SEC11A: variants seen among roughly 807,000 people sequenced by gnomAD.
The protein encoded by SEC11A is SEC11 homolog A, signal peptidase complex subunit.
A neutral mutation model predicts 25.6 loss-of-function variants in SEC11A; 14 were observed. The observed-to-expected ratio is 0.55, with a 90% CI of 0.36 to 0.85. The LOEUF (loss-of-function observed/expected upper bound fraction) is 0.85, where lower values mean the gene tolerates loss of function less well. Among genes scored for constraint, SEC11A ranks in the 40% least tolerant of loss-of-function variants. The probability of loss-of-function intolerance (pLI) is 0.01; values close to 1 mark genes in which losing one functional copy is unlikely to be tolerated. For missense variants in SEC11A, 153 were observed against 222.9 expected (o/e 0.69, Z 2.00); for synonymous variants, 83 against 76.4 (o/e 1.09, Z -0.45).
At chr15:84,713,965 T>C (rs1230805287) in intron 1 of SEC11A, among the ~76,000 whole-genome samples, 1 of 152,112 alleles carries the variant, frequency 6.6e-6, no homozygotes, top group Non-Finnish European at 1.5e-5. Context: ...TATCCAAGTG[T>C]TCAGGCTTTA....
At chr15:84,700,957 C>A (rs376984623) in intron 1 of SEC11A, among the ~76,000 whole-genome samples, 1 of 131,856 alleles carries the variant, frequency 7.6e-6, no homozygotes, top group Non-Finnish European at 1.5e-5. Context: ...GTACTCCTAC[C>A]TGGGCAACAA....
chr15:84,698,213 G>C (rs1897823441), intron 1 of SEC11A, among the ~76,000 whole-genome samples: 1 of 152,134 alleles, frequency 6.6e-6, no homozygotes, highest in South Asian at 2.1e-4. Context: ...TACATCCTGT[G>C]TATTTACTGA....
intron 1 of SEC11A, among the ~76,000 whole-genome samples, chr15:84,702,338 G>A (rs912841797): frequency 6.6e-6 from 1 of 151,248 alleles, no homozygotes; most frequent in Non-Finnish European, 1.5e-5. Context: ...GCGGGCACCC[G>A]TAATCCCAGC....
In SEC11A at chr15:84,714,345, C is replaced by T. The variant is rs180709348; in HGVS notation, c.51+1680G>A. ...CTGTCTTAAGCAAATCACTAAAGCT[C>T]TCTAACAATGACATCGACCACAGTA... On this transcript the variant is annotated intron_variant, in intron 1 of 5. Transcript: ENST00000268220. 6.2e-4 allele frequency among the ~76,000 whole-genome samples: 94 copies of T among 152,288 alleles called. 1 individual carries two copies. The highest frequency in any genetic ancestry group is 6.8e-3 in the Middle Eastern group (2 of 294).
intron 4 of SEC11A, among the ~76,000 whole-genome samples, chr15:84,677,522 G>A (rs968716292): frequency 3.3e-5 from 5 of 149,662 alleles, no homozygotes; most frequent in Non-Finnish European, 5.9e-5. Flanking sequence ...ACTCAGGCTG[G>A]AGTGCAGTGG....
At chr15:84,707,135 AC>A (rs1289014996) in intron 1 of SEC11A, among the ~76,000 whole-genome samples, 2 of 149,240 alleles carry the variant, frequency 1.3e-5, no homozygotes, top group African/African-American at 5.0e-5. Context: ...TCTCTAACCC[AC>A]TTTTAGACTC....
chr15:84,691,188 C>A (rs1897595910), intron 2 of SEC11A, among the ~76,000 whole-genome samples: 1 of 151,574 alleles, frequency 6.6e-6, no homozygotes. Context: ...GATCCTCCCA[C>A]CTCAGCCTCC....
chr15:84,711,299 T>C (rs1006810059), intron 1 of SEC11A, among the ~76,000 whole-genome samples: 12 of 151,822 alleles, frequency 7.9e-5, no homozygotes, highest in African/African-American at 2.4e-5. Context: ...GGAGAATCAC[T>C]TGATCCCGGA....
At chr15:84,708,771 G>C (rs1898175314) in intron 1 of SEC11A, among the ~76,000 whole-genome samples, 1 of 151,526 alleles carries the variant, frequency 6.6e-6, no homozygotes, top group South Asian at 2.1e-4. Flanking sequence ...CTAGGTGACA[G>C]AGCGAGACCT....
rs556300976 is a variant in SEC11A, at chr15:84,673,026, G to A, written c.432-2244C>T. 179 of 197,932 alleles carry A rather than the reference G, an allele frequency of 9.0e-4. 1 individual carries two copies. In the South Asian group the frequency reaches 0.01, roughly 11 times the overall value. The allele number at this position is 197,932 out of a possible 1,614,324, so 12.3% of individuals were successfully genotyped here. A position where few individuals can be genotyped will look rare whatever the true frequency, so the allele number is the denominator to read the frequency against. ...TGAGAAGTGAGGAGTCCCTCCGCCC[G>A]GCAGCCACCCCATCTGAGAAGTGAG... is the stretch of plus-strand genomic sequence containing the variant. On this transcript the variant is annotated intron_variant, in intron 4 of 5. Coordinates refer to ENST00000268220, the MANE Select transcript of SEC11A (RefSeq NM_014300.4).
At chr15:84,692,309 G>A (rs768878790) in intron 1 of SEC11A, among the ~76,000 whole-genome samples, 13 of 152,078 alleles carry the variant, frequency 8.5e-5, no homozygotes, top group Non-Finnish European at 1.6e-4. Context: ...TGGGATTACA[G>A]GCGTGAGTCA....
Position 84,680,823 on chromosome 15 carries a change from C to A in SEC11A, c.321G>T (p.Gly107=). 1.2e-6 allele frequency: 2 copies of A among 1,607,132 alleles called. No individual in the cohort carries two copies. The highest frequency in any genetic ancestry group is 1.7e-5 in the Admixed American group (1 of 59,194). Residue 107 remains glycine (G), a synonymous_variant, in exon 4 of 6, where the codon GGG becomes GGT. Transcript: ENST00000268220. Reference sequence around the variant, plus strand: ...CTCCTTTGGTCAAAAACTTGATATGCCCATTTTGCCTTAAAAGAGTAAAGG... The same window carrying A: ...CTCCTTTGGTCAAAAACTTGATATGACCATTTTGCCTTAAAAGAGTAAAGG... The part of the protein sequence containing the change: ...RVLKIHEKQN[G]HIKFLTKGDN...
At chr15:84,701,293 C>T (rs906130130) in intron 1 of SEC11A, among the ~76,000 whole-genome samples, 6 of 151,590 alleles carry the variant, frequency 4.0e-5, no homozygotes, top group Non-Finnish European at 8.8e-5. Context: ...GGCAACATAG[C>T]AAGACTCCAT....
intron 4 of SEC11A, among the ~76,000 whole-genome samples, chr15:84,678,705 T>C (rs1194993066): frequency 6.6e-6 from 1 of 152,136 alleles, no homozygotes; most frequent in African/African-American, 2.4e-5. Flanking sequence ...AATATGTACA[T>C]ACTAGGGCTG....
chr15:84,714,014 C>T (rs2141933503), intron 1 of SEC11A, among the ~76,000 whole-genome samples: 1 of 139,858 alleles, frequency 7.2e-6, no homozygotes, highest in East Asian at 2.2e-4. Flanking sequence ...CTGCCATATA[C>T]CTTCTTTTTT....
At chr15:84,711,653 T>C (rs1220957273) in intron 1 of SEC11A, among the ~76,000 whole-genome samples, 1 of 151,848 alleles carries the variant, frequency 6.6e-6, no homozygotes, top group Non-Finnish European at 1.5e-5. Flanking sequence ...CCCCCATCTC[T>C]ACTAAAAATA....
At chr15:84,692,344 T>C (rs1050557959) in intron 1 of SEC11A, among the ~76,000 whole-genome samples, 1 of 152,084 alleles carries the variant, frequency 6.6e-6, no homozygotes, top group Non-Finnish European at 1.5e-5. Context: ...CTATTACTTT[T>C]CTACTATACT....
chr15:84,675,074 C>T (rs1897101014), intron 4 of SEC11A, among the ~76,000 whole-genome samples: 1 of 152,166 alleles, frequency 6.6e-6, no homozygotes, highest in African/African-American at 2.4e-5. Context: ...ATGCTGCTAT[C>T]ATCAGTCATC....
intron 1 of SEC11A, among the ~76,000 whole-genome samples, chr15:84,703,315 C>T (rs753529369): frequency 2.0e-5 from 3 of 152,144 alleles, no homozygotes; most frequent in Non-Finnish European, 2.9e-5. Context: ...AGTAAGTACT[C>T]CATCATTAAG....
Sources: gnomAD v4.1 joint callset for allele counts (sites outside exome capture counted in the v4.1 genomes callset) on GRCh38, gnomAD v4.1.1 for gene constraint, MANE v1.5 for transcripts, NCBI Gene and HGNC (gene_info 2026-07-23, HGNC 2026-07-21) for gene names.